The following ARID1B variants were observed in gnomAD, a reference collection of about 807,000 sequenced individuals.
ARID1B encodes the protein AT-rich interaction domain 1B.
ARID1B carries 30 observed loss-of-function variants against 212.3 expected under a neutral mutation model. The ratio of observed to expected loss-of-function variants is 0.14; its 90% CI spans 0.11 to 0.19. The LOEUF is 0.19. Ranked by LOEUF, ARID1B falls within the 10% of genes least tolerant of loss-of-function variation. ARID1B has a pLI of 1.00. For missense variants in ARID1B, 2,891 were observed against 3,204.0 expected (o/e 0.90, Z 2.36); for synonymous variants, 1,402 against 1,301.7 (o/e 1.08, Z -1.66).
At chr6:157,199,619 G>A (rs1793965852) in intron 17 of ARID1B, among the ~76,000 whole-genome samples, 1 of 149,932 alleles carries the variant, frequency 6.7e-6, no homozygotes, top group Non-Finnish European at 1.5e-5. Context: ...ATAATAATAT[G>A]TATATCATTT....
chr6:156,922,042 C>T (rs1477647779), intron 3 of ARID1B, among the ~76,000 whole-genome samples: 1 of 152,164 alleles, frequency 6.6e-6, no homozygotes, highest in Non-Finnish European at 1.5e-5. Context: ...AAGGTCTGTA[C>T]CTCTTTATCC....
chr6:157,075,052 CATATT>C (rs1411315963), intron 4 of ARID1B, among the ~76,000 whole-genome samples: 1 of 152,112 alleles, frequency 6.6e-6, no homozygotes, highest in African/African-American at 2.4e-5. Context: ...TTTGAAGTAA[CATATT>C]ATAAAGTGGT....
Position 156,778,406 on chromosome 6 carries a change from T to C in ARID1B, c.726T>C (p.His242=), listed in dbSNP as rs1300213263. The C allele has an allele frequency of 2.6e-6, 4 of 1,529,352 alleles. No individual in the cohort carries two copies. The highest frequency in any genetic ancestry group is 4.0e-5 in the Admixed American group (2 of 50,470). The allele number at this position is 1,529,352 out of a possible 1,614,324, so 94.7% of individuals were successfully genotyped here. ...QPGPDMEQPQ[H]GGAKDSAAGG... Reference sequence around the variant, plus strand: ...GCCCCGACATGGAGCAGCCGCAACATGGAGGCGCCAAGGACAGTGCTGCGG... The same window carrying C: ...GCCCCGACATGGAGCAGCCGCAACACGGAGGCGCCAAGGACAGTGCTGCGG... The change falls in exon 1 of 20, where the codon CAT becomes CAC. Residue 242 remains histidine (H), a synonymous_variant. Coordinates refer to ENST00000636930, the MANE Select transcript of ARID1B (RefSeq NM_001374828.1).
chr6:157,024,190 A>G (rs1780506447), intron 4 of ARID1B: 1 of 152,264 alleles, frequency 6.6e-6, no homozygotes, highest in Non-Finnish European at 1.5e-5. Flanking sequence ...TTCCTGCCAC[A>G]AAAATGATAT....
intron 6 of ARID1B, among the ~76,000 whole-genome samples, chr6:157,115,609 A>G (rs993042519): frequency 3.3e-5 from 5 of 151,954 alleles, no homozygotes; most frequent in Non-Finnish European, 1.5e-5. Flanking sequence ...TTGTATTTTT[A>G]TTAGAGATGG....
At chr6:156,824,342 A>G (rs200241927) in intron 1 of ARID1B, among the ~76,000 whole-genome samples, 133 of 152,344 alleles carry the variant, frequency 8.7e-4, no homozygotes, top group African/African-American at 2.9e-3. Flanking sequence ...CCATCTAGAA[A>G]TGAAAACATG....
At chr6:156,996,966 A>G (rs1778627988) in intron 4 of ARID1B, among the ~76,000 whole-genome samples, 1 of 152,080 alleles carries the variant, frequency 6.6e-6, no homozygotes, top group Non-Finnish European at 1.5e-5. Flanking sequence ...TGAGAAGGGA[A>G]AAAAACGTGT....
intron 8 of ARID1B, chr6:157,166,114 CTT>C (rs1343628411): frequency 6.6e-6 from 1 of 152,188 alleles, no homozygotes; most frequent in Non-Finnish European, 1.5e-5. Context: ...ATGGTGGACT[CTT>C]TTGACGCTTT....
rs112189967 is a variant in ARID1B at position 157,059,972 on chromosome 6, T to G, written c.2248-24690T>G. Among the ~76,000 whole-genome samples the G allele has an allele frequency of 5.5e-3, 842 of 152,354 alleles. 14 individuals are homozygous for G. The highest frequency in any genetic ancestry group is 0.02 in the African/African-American group (813 of 41,578). On this transcript the variant is annotated intron_variant, in intron 4 of 19. Transcript: ENST00000636930. ...CTGTCCTTTCCAAGTGAATTAGTTC[T>G]TGTGGGCAGCGTGTCAAGAGGAAGT...
At chr6:156,933,351 C>CT (rs35859856) in intron 3 of ARID1B, among the ~76,000 whole-genome samples, 2 of 152,186 alleles carry the variant, frequency 1.3e-5, no homozygotes, top group Non-Finnish European at 1.5e-5. Flanking sequence ...CACCTTTGTG[C>CT]TTTTTTGTAA....
At chr6:156,791,831 C>G (rs529167087) in intron 1 of ARID1B, among the ~76,000 whole-genome samples, 1 of 152,138 alleles carries the variant, frequency 6.6e-6, no homozygotes, top group Non-Finnish European at 1.5e-5. Context: ...ATTCTGGAAC[C>G]GTGTCCTTTT....
Position 157,206,425 on chromosome 6 carries a change from A to G in ARID1B, c.5653A>G (p.Ser1885Gly). The change falls in exon 20 of 20, where the codon AGC becomes GGC. Residue 1885 changes from serine to glycine, a missense_variant. This residue lies in a region of ARID1B where 332 missense variants were observed against 369.2 expected (regional missense o/e 0.90). Coordinates refer to ENST00000636930, the MANE Select transcript of ARID1B (RefSeq NM_001374828.1). This position sits in a 1 kb window ranked among gnomAD's most constrained non-coding sequence, Gnocchi z 6.8. The stretch of plus-strand genomic sequence containing the variant: ...GAAGACAGAAAGCGATGAAAAGAGC[A>G]GCATCGCTCTGACTGCCCCGGACGC... Reference protein sequence around the residue: ...SEKTESDEKSSIALTAPDAAA... With the variant: ...SEKTESDEKSGIALTAPDAAA... 6.2e-7 allele frequency: 1 copy of G among 1,614,226 alleles called. No individual in the cohort carries two copies. Among genetic ancestry groups the G allele is most frequent in the Non-Finnish European group, 8.5e-7 (1 of 1,180,052 alleles).
intron 1 of ARID1B, among the ~76,000 whole-genome samples, chr6:156,783,514 T>G (rs1204986231): frequency 6.6e-6 from 1 of 152,230 alleles, no homozygotes; most frequent in Non-Finnish European, 1.5e-5. Context: ...AGACTTTATT[T>G]CTTTATGATT....
At chr6:156,791,950 A>T (rs1780044016) in intron 1 of ARID1B, among the ~76,000 whole-genome samples, 2 of 152,114 alleles carry the variant, frequency 1.3e-5, no homozygotes. Flanking sequence ...TTATTTCCTA[A>T]TGCTAGGAAT....
At chr6:157,030,705 A>C (rs1312289297) in intron 4 of ARID1B, among the ~76,000 whole-genome samples, 1 of 152,254 alleles carries the variant, frequency 6.6e-6, no homozygotes, top group African/African-American at 2.4e-5. Flanking sequence ...TGAGCATATC[A>C]CTTGCGGTGA....
intron 4 of ARID1B, among the ~76,000 whole-genome samples, chr6:157,019,659 T>C (rs1166110893): frequency 6.6e-6 from 1 of 152,194 alleles, no homozygotes; most frequent in Non-Finnish European, 1.5e-5. Context: ...CTGAAGGTTC[T>C]GTTTTAGGCT....
At chr6:157,115,090 C>T (rs1249418732) in intron 6 of ARID1B, among the ~76,000 whole-genome samples, 1 of 152,176 alleles carries the variant, frequency 6.6e-6, no homozygotes, top group African/African-American at 2.4e-5. Flanking sequence ...CCTTTGTAAA[C>T]CTGCAGTCCC....
intron 4 of ARID1B, among the ~76,000 whole-genome samples, chr6:157,039,696 T>TCCTTC (rs1188640165): frequency 7.4e-6 from 1 of 135,434 alleles, no homozygotes; most frequent in Admixed American, 7.3e-5. Flanking sequence ...CTTCCTTCCT[T>TCCTTC]CTTTCTTTCC....
chr6:157,004,664 G>A (rs1204782603), intron 4 of ARID1B, among the ~76,000 whole-genome samples: 10 of 152,122 alleles, frequency 6.6e-5, no homozygotes, highest in Non-Finnish European at 1.3e-4. Context: ...CGGAACAGCC[G>A]TGCACTTGGA....
Sources: allele counts gnomAD v4.1 joint callset (sites outside exome capture counted in the v4.1 genomes callset), GRCh38; gene constraint gnomAD v4.1.1; regional missense constraint gnomAD v4.1.1; non-coding constraint Gnocchi (gnomAD v3.1); transcripts MANE v1.5; gene names NCBI Gene and HGNC (gene_info 2026-07-23, HGNC 2026-07-21).